Variants in NPFFR1 observed in about 807,000 individuals in gnomAD.
The protein encoded by NPFFR1 is neuropeptide FF receptor 1, also known as G-protein coupled receptor 147.
In NPFFR1, 17 loss-of-function variants were observed where a neutral mutation model predicts 12.7. The observed-to-expected ratio is 1.34, with a 90% CI of 0.92 to 2.01. The LOEUF is 2.01. Among genes scored for constraint, NPFFR1 ranks in the 30% most tolerant of loss-of-function variants. NPFFR1 has a pLI of 0.00. For missense variants in NPFFR1, 604 were observed against 606.5 expected (o/e 1.00, Z 0.04); for synonymous variants, 296 against 264.5 (o/e 1.12, Z -1.16).
In NPFFR1 at chr10:70,269,831, T is replaced by C. The variant is rs1261535944; in HGVS notation, c.8-3440A>G. ...TTACCAAGGCCTCCAAAACACTTCA[T>C]GGTCTGATCCCTGTTGACATCTCTC... is the stretch of plus-strand genomic sequence containing the variant. On this transcript the variant is annotated intron_variant, in intron 1 of 3. Transcript: ENST00000277942. Among the ~76,000 whole-genome samples the C allele has an allele frequency of 3.3e-5, 5 of 152,184 alleles. No homozygotes were observed. The East Asian group carries it at 9.6e-4, about 29-fold the overall frequency.
intron 1 of NPFFR1, among the ~76,000 whole-genome samples, chr10:70,279,904 C>T (rs908585893): frequency 6.6e-6 from 1 of 152,232 alleles, no homozygotes; most frequent in South Asian, 2.1e-4. Context: ...TTCTCCCCCA[C>T]CACAGAGCCA....
At chr10:70,271,394 T>A (rs2136804770) in intron 1 of NPFFR1, among the ~76,000 whole-genome samples, 1 of 152,220 alleles carries the variant, frequency 6.6e-6, no homozygotes, top group African/African-American at 2.4e-5. Context: ...GTGCCTGTAG[T>A]CCCAGCTACT....
chr10:70,261,749 G>T (rs574056978), intron 2 of NPFFR1, among the ~76,000 whole-genome samples: 1 of 152,250 alleles, frequency 6.6e-6, no homozygotes, highest in South Asian at 2.1e-4. Context: ...AGAATCTCTA[G>T]TGACAGGACC....
intron 1 of NPFFR1, among the ~76,000 whole-genome samples, chr10:70,272,660 T>C (rs1024462422): frequency 2.0e-5 from 3 of 152,226 alleles, no homozygotes; most frequent in Admixed American, 1.3e-4. Flanking sequence ...AGATCGGCAA[T>C]GACTGAATTA....
chr10:70,255,635 C>G lies in NPFFR1; in HGVS notation c.615G>C (p.Glu205Asp), dbSNP rs754806362. 1.3e-6 allele frequency: 2 copies of G among 1,585,792 alleles called. No homozygotes were observed. Among genetic ancestry groups the G allele is most frequent in the South Asian group, 1.2e-5 (1 of 86,760 alleles). The change falls in exon 4 of 4, where the codon GAG becomes GAC. Residue 205 changes from glutamate to aspartate, a missense_variant. Physicochemically the swap from Glu to Asp is conservative, Grantham distance 45 (BLOSUM62 2). Transcript: ENST00000277942. This position sits in a 1 kb window ranked among gnomAD's most constrained non-coding sequence, Gnocchi z 4.2. ...NRSYPLYSCWEAWPEKGMRRV... is the reference protein window; with the variant it reads ...NRSYPLYSCWDAWPEKGMRRV... ...TGCGCATGCCCTTCTCGGGCCAGGC[C>G]TCCCAGCAGGAGTAGAGCGGGTAGG... is the stretch of plus-strand genomic sequence containing the variant.
At chr10:70,271,150 A>T (rs1468421314) in intron 1 of NPFFR1, among the ~76,000 whole-genome samples, 1 of 152,242 alleles carries the variant, frequency 6.6e-6, no homozygotes. Flanking sequence ...GGATACACAC[A>T]GTCTGGGAAG....
intron 2 of NPFFR1, among the ~76,000 whole-genome samples, chr10:70,262,456 C>T (rs1840644470): frequency 6.6e-6 from 1 of 152,178 alleles, no homozygotes; most frequent in Non-Finnish European, 1.5e-5. Context: ...CATTACTAAA[C>T]TTGTATATTC....
chr10:70,275,454 C>T (rs1168693368), intron 1 of NPFFR1, among the ~76,000 whole-genome samples: 1 of 152,186 alleles, frequency 6.6e-6, no homozygotes, highest in East Asian at 1.9e-4. Context: ...CTCTCTTTCT[C>T]TTGGAAAGGC....
In NPFFR1 at chr10:70,260,699, C is replaced by T. The variant is rs764937524; in HGVS notation, c.363G>A (p.Leu121=). Residue 121 remains leucine (L), a synonymous_variant, in exon 3 of 4, where the codon TTG becomes TTA. Coordinates refer to ENST00000277942, the MANE Select transcript of NPFFR1 (RefSeq NM_022146.5). ...FDNATCKMSG[L]VQGMSVSASV... ...AAGCCGACACAGACATGCCCTGCAC[C>T]AAGCCGCTCATCTTGCATGTGGCAT... The T allele has an allele frequency of 3.7e-6, 6 of 1,610,020 alleles. No homozygotes were observed. In the Admixed American group the frequency reaches 5.0e-5, roughly 14 times the overall value.
chr10:70,272,251 G>GAAAGAGAGAAAGAAAGAAAGA (rs11447906), intron 1 of NPFFR1, among the ~76,000 whole-genome samples: 64 of 45,518 alleles, frequency 1.4e-3, no homozygotes, highest in South Asian at 4.2e-3. Context: ...AAAGAAGAAA[G>GAAAGAGAGAAAGAAAGAAAGA]AAGAAAGAAA....
intron 1 of NPFFR1, among the ~76,000 whole-genome samples, chr10:70,282,105 T>G (rs1385539702): frequency 6.6e-6 from 1 of 152,200 alleles, no homozygotes; most frequent in Non-Finnish European, 1.5e-5. Flanking sequence ...AATGATTATA[T>G]CTGTAAATAC....
At position 70,247,832 on chromosome 10, in the gene NPFFR1, C is replaced by CA. The variant is rs960262747; in HGVS notation, c.*7124dup. 8 of 152,270 alleles carry CA rather than the reference C, an allele frequency of 5.3e-5. No individual in the cohort carries two copies. Among genetic ancestry groups the CA allele is most frequent in the African/African-American group, 1.7e-4 (7 of 41,458 alleles). The allele number at this position is 152,270 out of a possible 1,614,324, so 9.4% of individuals were successfully genotyped here. On this transcript the variant is annotated 3_prime_UTR_variant, in exon 4 of 4. Coordinates refer to ENST00000277942, the MANE Select transcript of NPFFR1 (RefSeq NM_022146.5). ...TCAAGGCAGGACGCTACAGCCAGTT[C>CA]AGCAGCTTTTGCTCCTTCAGTGACC...
chr10:70,278,708 T>C (rs10823508), intron 1 of NPFFR1, among the ~76,000 whole-genome samples: 1 of 152,052 alleles, frequency 6.6e-6, no homozygotes, highest in Non-Finnish European at 1.5e-5. Flanking sequence ...AGTGTCCTGA[T>C]GAACTTTCGT....
chr10:70,253,377 T>C lies in NPFFR1; in HGVS notation c.*1580A>G, dbSNP rs1475372039. On this transcript the variant is annotated 3_prime_UTR_variant, in exon 4 of 4. Coordinates refer to ENST00000277942, the MANE Select transcript of NPFFR1 (RefSeq NM_022146.5). ...TCCCCACCTTCCTTGAAAGGCAGCA[T>C]GTGGGGTGGGAAGAACAATCAGAAG... is the stretch of plus-strand genomic sequence containing the variant. The C allele has an allele frequency of 6.6e-6, 1 of 152,092 alleles. No homozygotes were observed. Among genetic ancestry groups the C allele is most frequent in the Non-Finnish European group, 1.5e-5 (1 of 68,018 alleles). 9.4% of individuals were successfully genotyped at this position (152,092 alleles called of 1,614,324 possible). A position where few individuals can be genotyped will look rare whatever the true frequency, so the allele number is the denominator to read the frequency against.
chr10:70,259,792 T>A (rs550259952), intron 3 of NPFFR1, among the ~76,000 whole-genome samples: 1 of 152,346 alleles, frequency 6.6e-6, no homozygotes, highest in South Asian at 2.1e-4. Context: ...GTGCATAAGC[T>A]TTTACAAGCA....
In NPFFR1 at chr10:70,254,835, G is replaced by A. The variant is rs976449506; in HGVS notation, c.*122C>T. On this transcript the variant is annotated 3_prime_UTR_variant, in exon 4 of 4. Coordinates refer to ENST00000277942, the MANE Select transcript of NPFFR1 (RefSeq NM_022146.5). Reference sequence around the variant, plus strand: ...ACATCACCAGCAGCTGCCCACCACTGCCTGGCTCTGGAGAGGGAGGGACCA... The same window carrying A: ...ACATCACCAGCAGCTGCCCACCACTACCTGGCTCTGGAGAGGGAGGGACCA... 27 of 1,159,446 alleles carry A rather than the reference G, an allele frequency of 2.3e-5. No homozygotes were observed. Among genetic ancestry groups the A allele is most frequent in the Admixed American group, 3.9e-5 (1 of 25,664 alleles). 71.8% of individuals were successfully genotyped at this position (1,159,446 alleles called of 1,614,324 possible).
rs1840690044 is a variant in NPFFR1, at chr10:70,266,316, G to T, written c.83C>A (p.Thr28Lys). The T allele has an allele frequency of 6.2e-7, 1 of 1,613,628 alleles. No homozygotes were observed. The highest frequency in any genetic ancestry group is 1.1e-5 in the South Asian group (1 of 91,008). Residue 28 changes from threonine (T) to lysine (K), a missense_variant, in exon 2 of 4, where the codon ACA becomes AAA. Coordinates refer to ENST00000277942, the MANE Select transcript of NPFFR1 (RefSeq NM_022146.5). Reference protein sequence around the residue: ...NGTNTEATPATNLTFSSYYQH... With the variant: ...NGTNTEATPAKNLTFSSYYQH... The stretch of plus-strand genomic sequence containing the variant: ...ATAGTAGGAGGAGAAGGTGAGGTTT[G>T]TAGCCGGGGTGGCCTCAGTGTTAGT...
At chr10:70,274,965 T>A (rs1483811483) in intron 1 of NPFFR1, among the ~76,000 whole-genome samples, 1 of 152,170 alleles carries the variant, frequency 6.6e-6, no homozygotes, top group East Asian at 1.9e-4. Flanking sequence ...GGAGGCCTCT[T>A]GAGAACTATA....
intron 1 of NPFFR1, among the ~76,000 whole-genome samples, chr10:70,278,903 A>T (rs1004234685): frequency 2.0e-5 from 3 of 152,232 alleles, no homozygotes; most frequent in African/African-American, 7.2e-5. Context: ...TCTTATGAAC[A>T]GTTGCTCCAA....
Sources: allele counts gnomAD v4.1 joint callset (sites outside exome capture counted in the v4.1 genomes callset), GRCh38; gene constraint gnomAD v4.1.1; non-coding constraint Gnocchi (gnomAD v3.1); transcripts MANE v1.5; gene names NCBI Gene and HGNC (gene_info 2026-07-23, HGNC 2026-07-21).